The following ENTHD1 variants were observed in gnomAD, a reference collection of about 807,000 sequenced individuals.
The protein encoded by ENTHD1 is ENTH domain-containing protein 1.
ENTHD1 carries 23 observed loss-of-function variants against 39.1 expected under a neutral mutation model. The ratio of observed to expected loss-of-function variants is 0.59; its 90% CI spans 0.42 to 0.83. The LOEUF is 0.83. Ranked by LOEUF, ENTHD1 falls within the 40% of genes least tolerant of loss-of-function variation. ENTHD1 has a pLI of 0.00. For missense variants in ENTHD1, 624 were observed against 705.4 expected, an observed-to-expected ratio of 0.88 and a Z score of 1.31; for synonymous variants, 230 against 258.2, an observed-to-expected ratio of 0.89 and a Z score of 1.05.
chr22:39,747,646 G>T (rs182421194), intron 6 of ENTHD1, among the ~76,000 whole-genome samples: 1 of 152,262 alleles, frequency 6.6e-6, no homozygotes, highest in East Asian at 1.9e-4. Context: ...TACCCGAAAA[G>T]AGATGGTAGA....
At chr22:39,840,841 G>A (rs750998518) in intron 3 of ENTHD1, among the ~76,000 whole-genome samples, 2 of 151,688 alleles carry the variant, frequency 1.3e-5, no homozygotes, top group African/African-American at 2.4e-5. Context: ...TGCAAGCTCC[G>A]CCTCCCAGGT....
chr22:39,755,205 G>A (rs2065175776), intron 6 of ENTHD1, among the ~76,000 whole-genome samples: 1 of 152,152 alleles, frequency 6.6e-6, no homozygotes, highest in Non-Finnish European at 1.5e-5. Flanking sequence ...ACAGTGTGAT[G>A]AGGATAATTA....
intron 3 of ENTHD1, among the ~76,000 whole-genome samples, chr22:39,861,000 C>G (rs2066135173): frequency 6.6e-6 from 1 of 152,098 alleles, no homozygotes; most frequent in East Asian, 1.9e-4. Context: ...AATTTTAGAG[C>G]ACTTTTAGGA....
intron 2 of ENTHD1, among the ~76,000 whole-genome samples, chr22:39,874,859 AC>A (rs1172744206): frequency 6.6e-6 from 1 of 152,218 alleles, no homozygotes; most frequent in African/African-American, 2.4e-5. Context: ...GAAAATAATA[AC>A]ATTCCTAAGT....
chr22:39,807,327 A>G (rs1853819453), intron 5 of ENTHD1, among the ~76,000 whole-genome samples: 1 of 152,196 alleles, frequency 6.6e-6, no homozygotes, highest in Non-Finnish European at 1.5e-5. Context: ...CCTACGTGCC[A>G]CTTTGCCAGG....
intron 4 of ENTHD1, among the ~76,000 whole-genome samples, chr22:39,827,904 G>A (rs2065838565): frequency 6.6e-6 from 1 of 152,062 alleles, no homozygotes; most frequent in South Asian, 2.1e-4. Flanking sequence ...ATTACCAATA[G>A]GAAATGGCTA....
At chr22:39,840,991 C>T (rs1309802702) in intron 3 of ENTHD1, among the ~76,000 whole-genome samples, 2 of 152,136 alleles carry the variant, frequency 1.3e-5, no homozygotes, top group African/African-American at 4.8e-5. Context: ...CCACCCACCT[C>T]GGCCTCCCAA....
chr22:39,745,659 G>A (rs1000997461), intron 6 of ENTHD1, among the ~76,000 whole-genome samples: 2 of 152,190 alleles, frequency 1.3e-5, no homozygotes, highest in Non-Finnish European at 2.9e-5. Flanking sequence ...CAGGCTAATC[G>A]AGACAGACTA....
chr22:39,868,070 G>A (rs1259393120), intron 2 of ENTHD1, among the ~76,000 whole-genome samples: 1 of 151,846 alleles, frequency 6.6e-6, no homozygotes, highest in Admixed American at 6.6e-5. Context: ...GGCAGTGTTT[G>A]TGAGAGAAGC....
Position 39,797,498 on chromosome 22 carries a change from C to A in ENTHD1, c.832+23495G>T, listed in dbSNP as rs547616639. Among the ~76,000 whole-genome samples the A allele has an allele frequency of 3.6e-3, 547 of 152,176 alleles. 5 individuals carry two copies. Among genetic ancestry groups the A allele is most frequent in the African/African-American group, 0.012 (481 of 41,506 alleles). ...TTTTCTGTAGTGGTAGCATTTGAGT[C>A]CTTTCTCTTCCTCATTTGGGTGACT... is the stretch of plus-strand genomic sequence containing the variant. On this transcript the variant is annotated intron_variant, in intron 5 of 6. Coordinates refer to ENST00000325157, the MANE Select transcript of ENTHD1 (RefSeq NM_152512.4).
chr22:39,752,837 ACTC>A (rs2065157612), intron 6 of ENTHD1, among the ~76,000 whole-genome samples: 1 of 152,162 alleles, frequency 6.6e-6, no homozygotes, highest in South Asian at 2.1e-4. Context: ...CTTCAACTCT[ACTC>A]TGCACGGTGC....
chr22:39,826,690 G>A (rs1394625237), intron 4 of ENTHD1, among the ~76,000 whole-genome samples: 1 of 152,072 alleles, frequency 6.6e-6, no homozygotes, highest in Non-Finnish European at 1.5e-5. Context: ...ATATGTTAAT[G>A]TAGATTGATT....
intron 2 of ENTHD1, among the ~76,000 whole-genome samples, chr22:39,880,442 A>C (rs904369412): frequency 6.6e-6 from 1 of 152,216 alleles, no homozygotes; most frequent in African/African-American, 2.4e-5. Flanking sequence ...AAAATGTACA[A>C]CACCAAGAGT....
intron 6 of ENTHD1, among the ~76,000 whole-genome samples, chr22:39,754,393 A>G (rs985322481): frequency 2.0e-5 from 3 of 152,196 alleles, no homozygotes; most frequent in African/African-American, 7.2e-5. Flanking sequence ...CTCTCCCAGC[A>G]TCTTGCCAGC....
chr22:39,851,705 G>T (rs1419918141), intron 3 of ENTHD1, among the ~76,000 whole-genome samples: 1 of 152,174 alleles, frequency 6.6e-6, no homozygotes, highest in Non-Finnish European at 1.5e-5. Flanking sequence ...ACTAACAACT[G>T]CTCTTAAGCA....
At chr22:39,800,143 T>C (rs574719996) in intron 5 of ENTHD1, among the ~76,000 whole-genome samples, 2 of 152,324 alleles carry the variant, frequency 1.3e-5, no homozygotes, top group East Asian at 3.9e-4. Context: ...ATACTAGGAA[T>C]GTTGGCCATG....
At chr22:39,799,746 A>C (rs2146614428) in intron 5 of ENTHD1, among the ~76,000 whole-genome samples, 1 of 152,284 alleles carries the variant, frequency 6.6e-6, no homozygotes, top group Non-Finnish European at 1.5e-5. Context: ...AGAATTTTTC[A>C]CTGTGGGCAT....
chr22:39,835,141 A>G (rs975980419), intron 4 of ENTHD1, among the ~76,000 whole-genome samples: 2 of 152,132 alleles, frequency 1.3e-5, no homozygotes, highest in Non-Finnish European at 2.9e-5. Flanking sequence ...AAGTTGAACA[A>G]TGAATAAGGG....
chr22:39,786,930 C>T (rs2065463938), intron 5 of ENTHD1, among the ~76,000 whole-genome samples: 1 of 152,176 alleles, frequency 6.6e-6, no homozygotes, highest in Non-Finnish European at 1.5e-5. Flanking sequence ...ACACGCATAC[C>T]TCATTTTATT....
Sources: allele counts gnomAD v4.1 joint callset (sites outside exome capture counted in the v4.1 genomes callset), GRCh38; gene constraint gnomAD v4.1.1; transcripts MANE v1.5; gene names NCBI Gene and HGNC (gene_info 2026-07-23, HGNC 2026-07-21).